Variants in UBL3 observed in about 807,000 individuals in gnomAD.
The protein encoded by UBL3 is ubiquitin like 3, also known as ubiquitin-like protein 3.
UBL3 carries 6 observed loss-of-function variants against 18.4 expected under a neutral mutation model. The ratio of observed to expected loss-of-function variants is 0.33; its 90% confidence interval spans 0.18 to 0.64. UBL3 has a LOEUF of 0.64. Among genes scored for constraint, UBL3 ranks in the 30% least tolerant of loss-of-function variants. The probability of loss-of-function intolerance (pLI) is 0.76; values close to 1 mark genes in which losing one functional copy is unlikely to be tolerated. For synonymous variants in UBL3, 49 were observed against 46.6 expected (o/e 1.05, Z -0.21); for missense variants, 109 against 142.9 (o/e 0.76, Z 1.21).
intron 1 of UBL3, among the ~76,000 whole-genome samples, chr13:29,824,738 T>A (rs1230341073): frequency 1.3e-5 from 2 of 152,254 alleles, no homozygotes; most frequent in Non-Finnish European, 2.9e-5. Context: ...ATTTTGGCTT[T>A]TGTTGCCATT....
At position 29,849,561 on chromosome 13, in the gene UBL3, G is replaced by A. The variant is rs1879315703; in HGVS notation, c.-23C>T. On this transcript the variant is annotated 5_prime_UTR_variant, in exon 1 of 5. Transcript: ENST00000380680. ...CATCTTGCCGTTTGATATACACCCA[G>A]ATGTTTACGAAAAAAACAAACAAAG... The A allele has an allele frequency of 3.1e-6, 5 of 1,613,324 alleles. No individual in the cohort carries two copies. The highest frequency in any genetic ancestry group is 2.2e-5 in the South Asian group (2 of 91,080).
intron 1 of UBL3, among the ~76,000 whole-genome samples, chr13:29,835,753 C>CAAAAA (rs34271187): frequency 2.7e-5 from 1 of 37,004 alleles, no homozygotes. Context: ...GACGCTGTCT[C>CAAAAA]AAAAAAAAAA....
At chr13:29,825,619 T>C (rs1401766487) in intron 1 of UBL3, among the ~76,000 whole-genome samples, 5 of 152,204 alleles carry the variant, frequency 3.3e-5, no homozygotes. Context: ...CGACGGGGTT[T>C]TCTAAATATA....
chr13:29,839,926 C>CG (rs946925206), intron 1 of UBL3, among the ~76,000 whole-genome samples: 56 of 124,772 alleles, frequency 4.5e-4, no homozygotes, highest in Admixed American at 3.1e-3. Flanking sequence ...GACTCCGTCT[C>CG]GGGGGAAAAA....
At chr13:29,835,714 C>A (rs1427269377) in intron 1 of UBL3, among the ~76,000 whole-genome samples, 2 of 142,118 alleles carry the variant, frequency 1.4e-5, no homozygotes, top group Non-Finnish European at 3.0e-5. Context: ...GAGATCGCGC[C>A]ACTGCACTCC....
At chr13:29,806,228 T>C (rs1877895071) in intron 1 of UBL3, among the ~76,000 whole-genome samples, 1 of 152,160 alleles carries the variant, frequency 6.6e-6, no homozygotes, top group Non-Finnish European at 1.5e-5. Flanking sequence ...CTTGTATTTC[T>C]ATATTAGTAA....
intron 1 of UBL3, among the ~76,000 whole-genome samples, chr13:29,844,303 T>C (rs986379803): frequency 1.3e-5 from 2 of 152,298 alleles, no homozygotes; most frequent in East Asian, 1.9e-4. Flanking sequence ...AGTTCTCATA[T>C]TTACTTCTCA....
intron 1 of UBL3, among the ~76,000 whole-genome samples, chr13:29,808,616 A>G (rs1877956558): frequency 6.6e-6 from 1 of 152,118 alleles, no homozygotes; most frequent in Admixed American, 6.6e-5. Context: ...TATTAATTCT[A>G]TGGATACCCA....
chr13:29,808,190 G>C (rs1361972578), intron 1 of UBL3, among the ~76,000 whole-genome samples: 3 of 152,000 alleles, frequency 2.0e-5, no homozygotes, highest in African/African-American at 7.2e-5. Flanking sequence ...CTTAAGATGG[G>C]AAAAACTAAA....
At chr13:29,809,947 G>A (rs950084509) in intron 1 of UBL3, among the ~76,000 whole-genome samples, 1 of 151,860 alleles carries the variant, frequency 6.6e-6, no homozygotes, top group African/African-American at 2.4e-5. Flanking sequence ...TGTTCAGACT[G>A]CAGAAAATTC....
At chr13:29,794,084 G>GATCC (rs1439066638) in intron 1 of UBL3, among the ~76,000 whole-genome samples, 2 of 152,048 alleles carry the variant, frequency 1.3e-5, no homozygotes, top group Non-Finnish European at 2.9e-5. Flanking sequence ...GGCCTCAAGA[G>GATCC]ATCCACTCGC....
At chr13:29,802,711 G>A (rs111453554) in intron 1 of UBL3, among the ~76,000 whole-genome samples, 59 of 152,296 alleles carry the variant, frequency 3.9e-4, no homozygotes, top group African/African-American at 1.4e-3. Context: ...GAGTCTCAAA[G>A]CCTGAGGACT....
intron 2 of UBL3, 98 bp from the exon 3 acceptor site, chr13:29,772,296 C>T: frequency 1.1e-6 from 1 of 943,646 alleles, no homozygotes; most frequent in Non-Finnish European, 1.6e-6. Flanking sequence ...AGTTAGAGTA[C>T]AAAGAAGGCC....
chr13:29,809,100 T>C (rs912996021), intron 1 of UBL3, among the ~76,000 whole-genome samples: 3 of 152,082 alleles, frequency 2.0e-5, no homozygotes, highest in African/African-American at 7.2e-5. Context: ...ATGTAAAACA[T>C]AGATGGATGT....
chr13:29,849,389 T>C, intron 1 of UBL3, 123 bp downstream of exon 1: 1 of 1,318,394 alleles, frequency 7.6e-7, no homozygotes, highest in African/African-American at 1.5e-5. Flanking sequence ...CTTCTCCAAA[T>C]CGCTCAGCAC....
chr13:29,796,197 G>T (rs561645527), intron 1 of UBL3, among the ~76,000 whole-genome samples: 1 of 152,060 alleles, frequency 6.6e-6, no homozygotes, highest in Non-Finnish European at 1.5e-5. Flanking sequence ...TTTGTGCCAG[G>T]AGTAGTTTTT....
intron 2 of UBL3, among the ~76,000 whole-genome samples, chr13:29,776,045 T>C (rs1289711548): frequency 6.6e-6 from 1 of 152,176 alleles, no homozygotes; most frequent in African/African-American, 2.4e-5. Context: ...GACCTTATAG[T>C]AGTTCAGAGA....
chr13:29,824,937 T>C (rs757331369), intron 1 of UBL3, among the ~76,000 whole-genome samples: 2 of 152,242 alleles, frequency 1.3e-5, no homozygotes, highest in East Asian at 1.9e-4. Context: ...CTAGCCAGTC[T>C]TCCCAGCACC....
intron 1 of UBL3, among the ~76,000 whole-genome samples, chr13:29,846,673 A>C (rs941594397): frequency 4.6e-5 from 7 of 152,214 alleles, no homozygotes; most frequent in African/African-American, 1.7e-4. Flanking sequence ...CTCTATTGGA[A>C]ACATGATAGG....
Sources: gnomAD v4.1 joint callset for allele counts (sites outside exome capture counted in the v4.1 genomes callset) on GRCh38, gnomAD v4.1.1 for gene constraint, MANE v1.5 for transcripts, NCBI Gene and HGNC (gene_info 2026-07-23, HGNC 2026-07-21) for gene names.